KCNQ3: variants seen among roughly 807,000 people sequenced by gnomAD.
The protein encoded by KCNQ3 is potassium voltage-gated channel subfamily KQT member 3.
Under a neutral mutation model 92.5 loss-of-function variants are expected in KCNQ3, and 30 were observed. The observed-to-expected ratio is 0.32, with a 90% CI of 0.24 to 0.44. The LOEUF is 0.44. KCNQ3 is among the 20% of genes least tolerant of loss of function. KCNQ3 has a pLI of 1.00. For missense variants in KCNQ3, 913 were observed against 1,140.3 expected (o/e 0.80, Z 2.87); for synonymous variants, 450 against 468.8 (o/e 0.96, Z 0.52).
intron 9 of KCNQ3, among the ~76,000 whole-genome samples, chr8:132,151,848 T>C (rs1825644482): frequency 6.6e-6 from 1 of 152,202 alleles, no homozygotes; most frequent in Non-Finnish European, 1.5e-5. Context: ...TTGACATGTT[T>C]ACGTACATGG....
chr8:132,180,014 C>T (rs113584455), intron 4 of KCNQ3, 143 bp downstream of exon 4: 3 of 961,282 alleles, frequency 3.1e-6, no homozygotes, highest in Non-Finnish European at 4.8e-6. Flanking sequence ...TCCTGTTTCT[C>T]CTCCTCCTCT....
intron 1 of KCNQ3, among the ~76,000 whole-genome samples, chr8:132,366,572 T>C (rs1156395210): frequency 6.6e-6 from 1 of 152,192 alleles, no homozygotes; most frequent in Non-Finnish European, 1.5e-5. Context: ...TCTTCCATTG[T>C]TTTCTCAGTA....
chr8:132,145,285 G>A (rs962912709), intron 9 of KCNQ3, among the ~76,000 whole-genome samples: 2 of 152,176 alleles, frequency 1.3e-5, no homozygotes, highest in Non-Finnish European at 2.9e-5. Context: ...AGCACTAAAA[G>A]TATTATTACA....
chr8:132,301,671 G>C (rs372170700), intron 1 of KCNQ3, among the ~76,000 whole-genome samples: 1 of 152,164 alleles, frequency 6.6e-6, no homozygotes, highest in African/African-American at 2.4e-5. Flanking sequence ...AGGAACCTAA[G>C]ATGATCCCCC....
chr8:132,349,304 A>C (rs1818788275), intron 1 of KCNQ3, among the ~76,000 whole-genome samples: 1 of 152,214 alleles, frequency 6.6e-6, no homozygotes, highest in South Asian at 2.1e-4. Context: ...TTTACTTTAC[A>C]CTAAACTAGT....
At chr8:132,474,969 A>C (rs529163251) in intron 1 of KCNQ3, among the ~76,000 whole-genome samples, 1 of 152,166 alleles carries the variant, frequency 6.6e-6, no homozygotes, top group Non-Finnish European at 1.5e-5. Flanking sequence ...TGACTGAATC[A>C]TGGGGGTGGA....
intron 1 of KCNQ3, among the ~76,000 whole-genome samples, chr8:132,219,558 T>C (rs1814150270): frequency 6.6e-6 from 1 of 152,120 alleles, no homozygotes; most frequent in Non-Finnish European, 1.5e-5. Flanking sequence ...TTCCCTGCTG[T>C]TCTCTCTCAG....
intron 1 of KCNQ3, among the ~76,000 whole-genome samples, chr8:132,422,341 T>C (rs770103299): frequency 1.1e-4 from 17 of 152,042 alleles, no homozygotes; most frequent in Non-Finnish European, 2.4e-4. Flanking sequence ...CCACCACCAC[T>C]CACTGCATCA....
chr8:132,157,576 G>A (rs913674404), intron 9 of KCNQ3, among the ~76,000 whole-genome samples: 2 of 152,128 alleles, frequency 1.3e-5, no homozygotes, highest in Non-Finnish European at 2.9e-5. Flanking sequence ...TGTTTCCAAG[G>A]ACACACTTGG....
At chr8:132,273,955 C>G (rs1563835464) in intron 1 of KCNQ3, among the ~76,000 whole-genome samples, 1 of 152,184 alleles carries the variant, frequency 6.6e-6, no homozygotes, top group East Asian at 1.9e-4. Context: ...CAAAGCCATT[C>G]AACAAGTCTC....
intron 1 of KCNQ3, among the ~76,000 whole-genome samples, chr8:132,227,988 T>TA (rs774939169): frequency 0.011 from 1,618 of 146,176 alleles, 21 homozygotes; most frequent in African/African-American, 0.037. Flanking sequence ...AAACAGAAGT[T>TA]AAAAAAAAAA....
chr8:132,453,405 G>A (rs1367155750), intron 1 of KCNQ3, among the ~76,000 whole-genome samples: 2 of 152,220 alleles, frequency 1.3e-5, no homozygotes, highest in Non-Finnish European at 2.9e-5. Flanking sequence ...GGACATTGCA[G>A]GAGATGAGGC....
In KCNQ3 at chr8:132,126,155, G is replaced by A. The variant is rs1469783918; in HGVS notation, c.*3107C>T. 1.3e-5 allele frequency: 2 copies of A among 152,182 alleles called. No individual in the cohort carries two copies. Among genetic ancestry groups the A allele is most frequent in the Middle Eastern group, 3.2e-3 (1 of 316 alleles). 9.4% of individuals were successfully genotyped at this position (152,182 alleles called of 1,614,324 possible). ...TAATATCACTCCTAGTTTGATGATG[G>A]AATTAATTTGTCAATATTTCATGGA... On this transcript the variant is annotated 3_prime_UTR_variant, in exon 15 of 15. Coordinates refer to ENST00000388996, the MANE Select transcript of KCNQ3 (RefSeq NM_004519.4).
chr8:132,373,027 T>C (rs557392470), intron 1 of KCNQ3, among the ~76,000 whole-genome samples: 2 of 152,300 alleles, frequency 1.3e-5, no homozygotes, highest in Non-Finnish European at 2.9e-5. Flanking sequence ...AGAATTGCCA[T>C]GGCCTCAGTC....
At chr8:132,197,418 T>C in intron 1 of KCNQ3, among the ~76,000 whole-genome samples, 1 of 152,178 alleles carries the variant, frequency 6.6e-6, no homozygotes, top group East Asian at 1.9e-4. Context: ...CCTGTTCTCG[T>C]TTGACACTTG....
At chr8:132,307,267 A>G (rs539469721) in intron 1 of KCNQ3, among the ~76,000 whole-genome samples, 2 of 152,338 alleles carry the variant, frequency 1.3e-5, no homozygotes, top group African/African-American at 4.8e-5. Flanking sequence ...GTGAGACAAG[A>G]GTGGACTAAG....
intron 1 of KCNQ3, among the ~76,000 whole-genome samples, chr8:132,208,956 A>C (rs1332980722): frequency 6.6e-6 from 1 of 152,118 alleles, no homozygotes; most frequent in Non-Finnish European, 1.5e-5. Context: ...GGGAGGGGGA[A>C]GCAGGGAGCA....
At chr8:132,326,641 C>T (rs1375267091) in intron 1 of KCNQ3, among the ~76,000 whole-genome samples, 1 of 152,166 alleles carries the variant, frequency 6.6e-6, no homozygotes, top group Non-Finnish European at 1.5e-5. Flanking sequence ...TCTTCCCTCC[C>T]CACTGCCAGG....
At chr8:132,440,418 C>T (rs934480654) in intron 1 of KCNQ3, among the ~76,000 whole-genome samples, 2 of 152,162 alleles carry the variant, frequency 1.3e-5, no homozygotes, top group Non-Finnish European at 2.9e-5. Flanking sequence ...TGTCTTCCCA[C>T]ACTAGAACGC....
Sources: gnomAD v4.1 joint callset for allele counts (sites outside exome capture counted in the v4.1 genomes callset) on GRCh38, gnomAD v4.1.1 for gene constraint, MANE v1.5 for transcripts, NCBI Gene and HGNC (gene_info 2026-07-23, HGNC 2026-07-21) for gene names.